Variants in MOCS1 observed in about 807,000 individuals in gnomAD.
The protein encoded by MOCS1 is molybdenum cofactor biosynthesis protein 1.
A neutral mutation model predicts 57.6 loss-of-function variants in MOCS1; 39 were observed. The ratio of observed to expected loss-of-function variants is 0.68; its 90% CI spans 0.52 to 0.88. The LOEUF (loss-of-function observed/expected upper bound fraction) is 0.88, where lower values mean the gene tolerates loss of function less well. Among genes scored for constraint, MOCS1 ranks in the 40% least tolerant of loss-of-function variants. The pLI is 0.00. For synonymous variants in MOCS1, 334 were observed against 335.7 expected, an observed-to-expected ratio of 1.00 and a Z score of 0.05; for missense variants, 795 against 831.1, an observed-to-expected ratio of 0.96 and a Z score of 0.53.
At chr6:39,923,519 T>A (rs1162262979) in intron 3 of MOCS1, among the ~76,000 whole-genome samples, 1 of 152,272 alleles carries the variant, frequency 6.6e-6, no homozygotes, top group Non-Finnish European at 1.5e-5. Context: ...TCACAGGTCC[T>A]GGCACAAGGC....
intron 3 of MOCS1, among the ~76,000 whole-genome samples, chr6:39,924,428 G>A (rs3008819): frequency 0.3 from 45,233 of 152,162 alleles, 7,230 homozygotes; most frequent in South Asian, 0.45. Context: ...TCACGCCAGC[G>A]AATGCAGGAG....
rs1438695093 is a variant in MOCS1, at chr6:39,912,954, T to C, written c.808A>G (p.Thr270Ala). The C allele has an allele frequency of 3.1e-6, 5 of 1,614,156 alleles. No homozygotes were observed. Among genetic ancestry groups the C allele is most frequent in the Non-Finnish European group, 4.2e-6 (5 of 1,180,016 alleles). ...AGCTCTGGCCACTGCTGCCGGACAGTGTCTAGCATCTCCTTATAGCTGACC... is the reference window on the plus strand; with the variant it reads ...AGCTCTGGCCACTGCTGCCGGACAGCGTCTAGCATCTCCTTATAGCTGACC... ...KMVSYKEMLD[T>A]VRQQWPELEK... is the part of the protein sequence containing the mutation. The change falls in exon 7 of 11, where the codon ACT (threonine) becomes GCT (alanine). Residue 270 changes from threonine (T) to alanine (A), a missense_variant. Around this residue, in one of 3 missense-constraint regions of MOCS1, gnomAD observed 416 missense variants for 392.4 expected, o/e 1.06. Coordinates refer to ENST00000340692, the MANE Select transcript of MOCS1 (RefSeq NM_001358530.2).
At chr6:39,927,195 AGCAAGGG>A in intron 2 of MOCS1, 127 bp downstream of exon 2, 1 of 1,153,180 alleles carries the variant, frequency 8.7e-7, no homozygotes, top group Non-Finnish European at 1.2e-6. Context: ...TGGCCTGGTA[AGCAAGGG>A]GTAGCAGGTG....
At chr6:39,931,594 G>A (rs1562105646) in intron 1 of MOCS1, among the ~76,000 whole-genome samples, 1 of 152,014 alleles carries the variant, frequency 6.6e-6, no homozygotes, top group Non-Finnish European at 1.5e-5. Context: ...CTGAAACATG[G>A]ATTTTGAGGA....
At chr6:39,926,295 CA>C (rs1562100667) in intron 2 of MOCS1, among the ~76,000 whole-genome samples, 2 of 152,156 alleles carry the variant, frequency 1.3e-5, no homozygotes, top group African/African-American at 4.8e-5. Flanking sequence ...TCTGGCCTGG[CA>C]AAAGCTGCCG....
chr6:39,925,465 C>T (rs1364883188), intron 3 of MOCS1, among the ~76,000 whole-genome samples: 3 of 152,148 alleles, frequency 2.0e-5, no homozygotes, highest in Admixed American at 1.3e-4. Context: ...CTGGCATTTG[C>T]GAGCTTCCTG....
intron 2 of MOCS1, among the ~76,000 whole-genome samples, chr6:39,926,849 T>G (rs751401608): frequency 1.4e-5 from 2 of 147,990 alleles, no homozygotes; most frequent in African/African-American, 5.0e-5. Context: ...AGAGCACTCT[T>G]TGGGAGGATT....
chr6:39,912,291 C>T lies in MOCS1; in HGVS notation c.954G>A (p.Leu318=). The T allele has an allele frequency of 6.2e-7, 1 of 1,613,260 alleles. No homozygotes were observed. The highest frequency in any genetic ancestry group is 8.5e-7 in the Non-Finnish European group (1 of 1,179,936). The change falls in exon 8 of 11, where the codon CTG becomes CTA. Residue 318 remains leucine (L), a synonymous_variant. Coordinates refer to ENST00000340692, the MANE Select transcript of MOCS1 (RefSeq NM_001358530.2). ...SEHFCGTCNR[L]RITADGNLKV... ...TGAGGTTCCCATCAGCTGTGATTCGCAGGCGGTTGCAGGTCCCACAGAAAT... is the reference window on the plus strand; with the variant it reads ...TGAGGTTCCCATCAGCTGTGATTCGTAGGCGGTTGCAGGTCCCACAGAAAT...
At chr6:39,916,982 T>A (rs1317788336) in intron 3 of MOCS1, among the ~76,000 whole-genome samples, 1 of 151,558 alleles carries the variant, frequency 6.6e-6, no homozygotes, top group East Asian at 1.9e-4. Context: ...AAGAGGGGAG[T>A]TATATTTGAA....
At chr6:39,912,856 C>G in intron 7 of MOCS1, 36 bp downstream of exon 7, 1 of 1,546,150 alleles carries the variant, frequency 6.5e-7, no homozygotes, top group Non-Finnish European at 8.9e-7. Context: ...GTACGACCTT[C>G]CTCCAGGCCT....
chr6:39,931,837 G>T (rs1423955927), intron 1 of MOCS1, among the ~76,000 whole-genome samples: 1 of 152,098 alleles, frequency 6.6e-6, no homozygotes, highest in African/African-American at 2.4e-5. Context: ...AGGCTTCATT[G>T]TTGCCCAACA....
rs746098961 is a variant in MOCS1 at position 39,909,910 on chromosome 6, G to C, written c.1027C>G (p.Arg343Gly). ...AGCTCCTGCTCAGAGGCCCCAGCTCGCAGGTGATCCCGCAGGGATACCTCA... is the reference window on the plus strand; with the variant it reads ...AGCTCCTGCTCAGAGGCCCCAGCTCCCAGGTGATCCCGCAGGGATACCTCA... ...NSEVSLRDHL[R>G]AGASEQELLR... Residue 343 changes from arginine (R) to glycine (G), a missense_variant, in exon 9 of 11, where the codon CGA (arginine) becomes GGA (glycine). Arg to Gly is a moderately radical substitution (Grantham distance 125). Transcript: ENST00000340692. The C allele has an allele frequency of 6.2e-7, 1 of 1,613,808 alleles. No individual in the cohort carries two copies. The highest frequency in any genetic ancestry group is 8.5e-7 in the Non-Finnish European group (1 of 1,180,012).
intron 3 of MOCS1, among the ~76,000 whole-genome samples, chr6:39,923,042 G>A (rs1045646616): frequency 6.6e-6 from 1 of 152,166 alleles, no homozygotes; most frequent in African/African-American, 2.4e-5. Flanking sequence ...CAGGCACAGC[G>A]CCACAGGAAG....
intron 5 of MOCS1, 158 bp from the exon 6 acceptor site, chr6:39,913,586 C>G: frequency 1.0e-6 from 1 of 957,234 alleles, no homozygotes; most frequent in Non-Finnish European, 1.7e-6. Context: ...CTTGGGGTCA[C>G]TGATTTTCTC....
rs1202346904 is a variant in MOCS1, at chr6:39,910,053, G to A, written c.982-98C>T. 13 of 1,562,208 alleles carry A rather than the reference G, an allele frequency of 8.3e-6. No homozygotes were observed. In the Admixed American group the frequency reaches 2.0e-4, roughly 24 times the overall value. On this transcript the variant is annotated intron_variant, in intron 8 of 10. Coordinates refer to ENST00000340692, the MANE Select transcript of MOCS1 (RefSeq NM_001358530.2). ...CCTTCCCTGGTTCTCCCTCCGGGAG[G>A]AGCACCAGGGCCCAGGCCTCCCATG...
chr6:39,924,316 C>T (rs1184917952), intron 3 of MOCS1, among the ~76,000 whole-genome samples: 2 of 152,214 alleles, frequency 1.3e-5, no homozygotes, highest in African/African-American at 4.8e-5. Flanking sequence ...ACTACTCTGA[C>T]CCAGTCTCCA....
rs1314486797 is a variant in MOCS1, at chr6:39,913,762, G to A, written c.645+12C>T. 6.2e-7 allele frequency: 1 copy of A among 1,613,968 alleles called. No homozygotes were observed. The highest frequency in any genetic ancestry group is 8.5e-7 in the Non-Finnish European group (1 of 1,179,822). On this transcript the variant is annotated intron_variant, in intron 5 of 10. Coordinates refer to ENST00000340692, the MANE Select transcript of MOCS1 (RefSeq NM_001358530.2). ...GGGAAGTCGGGAATCTACGGCAGGG[G>A]CACGGCCTCACCTTCACAGGGTTGT...
At chr6:39,930,392 C>T (rs982674561) in intron 1 of MOCS1, among the ~76,000 whole-genome samples, 1 of 152,204 alleles carries the variant, frequency 6.6e-6, no homozygotes, top group Non-Finnish European at 1.5e-5. Flanking sequence ...TGGGCTGTTT[C>T]CTCTCCGTGA....
At chr6:39,915,583 TGTA>T (rs1267104016) in intron 4 of MOCS1, among the ~76,000 whole-genome samples, 1 of 152,074 alleles carries the variant, frequency 6.6e-6, no homozygotes, top group Non-Finnish European at 1.5e-5. Flanking sequence ...TGGCTGTGCC[TGTA>T]GTAGGAGGTG....
Sources: gnomAD v4.1 joint callset for allele counts (sites outside exome capture counted in the v4.1 genomes callset) on GRCh38, gnomAD v4.1.1 for gene constraint, gnomAD v4.1.1 regional missense constraint, MANE v1.5 for transcripts, NCBI Gene and HGNC (gene_info 2026-07-23, HGNC 2026-07-21) for gene names.